Variants in CSNK1A1 observed in about 807,000 individuals in gnomAD.
CSNK1A1 encodes casein kinase I isoform alpha.
In CSNK1A1, 7 loss-of-function variants were observed where a neutral mutation model predicts 46.1. That is an observed-to-expected ratio of 0.15 (90% CI 0.09 to 0.29). CSNK1A1 has a LOEUF of 0.29. CSNK1A1 is among the 10% of genes least tolerant of loss of function. The probability of loss-of-function intolerance (pLI) is 1.00; values close to 1 mark genes in which losing one functional copy is unlikely to be tolerated. For missense variants in CSNK1A1, 96 were observed against 417.1 expected (o/e 0.23, Z 6.71); for synonymous variants, 137 against 141.5 (o/e 0.97, Z 0.23).
chr5:149,525,023 T>A lies in CSNK1A1; in HGVS notation c.357+22A>T. ...TCAACAGTACTAGTCTCAGTTTATA[T>A]TCTAATCAAAATTTCACATACCTGG... On this transcript the variant is annotated intron_variant, in intron 3 of 9. Transcript: ENST00000377843. This position sits in a 1 kb window ranked among gnomAD's most constrained non-coding sequence, Gnocchi z 4.2. The A allele has an allele frequency of 6.3e-7, 1 of 1,597,986 alleles. No individual in the cohort carries two copies. Among genetic ancestry groups the A allele is most frequent in the Non-Finnish European group, 8.5e-7 (1 of 1,172,444 alleles).
At chr5:149,539,450 G>A (rs1204768251) in intron 2 of CSNK1A1, among the ~76,000 whole-genome samples, 3 of 146,468 alleles carry the variant, frequency 2.0e-5, no homozygotes, top group African/African-American at 5.2e-5. Flanking sequence ...CTAGGCGGCC[G>A]AGCAAGAACC....
At chr5:149,502,709 T>C in intron 9 of CSNK1A1, 3 of 984,898 alleles carry the variant, frequency 3.0e-6, no homozygotes, top group South Asian at 9.4e-5. Flanking sequence ...AGTAGGATGT[T>C]TTCATCATTA....
intron 9 of CSNK1A1, among the ~76,000 whole-genome samples, chr5:149,500,314 T>C (rs1760803809): frequency 6.6e-6 from 1 of 152,092 alleles, no homozygotes; most frequent in Non-Finnish European, 1.5e-5. Context: ...ATTTTTTGTA[T>C]TTTTAGTACA....
chr5:149,513,026 C>T (rs779411759), intron 5 of CSNK1A1, 44 bp downstream of exon 5: 2 of 1,604,612 alleles, frequency 1.2e-6, no homozygotes, highest in Admixed American at 1.7e-5. Flanking sequence ...CCATTGATGG[C>T]TTCTGCTATG....
At chr5:149,548,130 CA>C (rs1285170370) in intron 2 of CSNK1A1, among the ~76,000 whole-genome samples, 1 of 152,108 alleles carries the variant, frequency 6.6e-6, no homozygotes, top group African/African-American at 2.4e-5. Flanking sequence ...CTTGGCCTCC[CA>C]AAGTGCTTGG....
chr5:149,494,819 C>T lies in CSNK1A1; in HGVS notation c.*2034G>A, dbSNP rs1010231168. Reference sequence around the variant, plus strand: ...ACTTAATTACAGACCAACTACACCACAACCTTTTCAAATGGCAAAAATACA... The same window carrying T: ...ACTTAATTACAGACCAACTACACCATAACCTTTTCAAATGGCAAAAATACA... On this transcript the variant is annotated 3_prime_UTR_variant, in exon 10 of 10. Coordinates refer to ENST00000377843, the MANE Select transcript of CSNK1A1 (RefSeq NM_001892.6). The T allele has an allele frequency of 2.0e-5, 3 of 152,176 alleles. No individual in the cohort carries two copies. Among genetic ancestry groups the T allele is most frequent in the African/African-American group, 7.2e-5 (3 of 41,454 alleles). 9.4% of individuals were successfully genotyped at this position (152,176 alleles called of 1,614,324 possible).
intron 2 of CSNK1A1, among the ~76,000 whole-genome samples, chr5:149,538,654 G>T (rs1446716379): frequency 6.6e-6 from 1 of 152,168 alleles, no homozygotes. Context: ...TGGGCACAGC[G>T]GCTCACATCT....
chr5:149,503,045 C>G (rs369893645), intron 9 of CSNK1A1: 17 of 982,422 alleles, frequency 1.7e-5, no homozygotes, highest in South Asian at 4.7e-5. Flanking sequence ...GGATAACAGG[C>G]GTGAGCCACT....
chr5:149,534,606 C>T (rs1188946649), intron 2 of CSNK1A1, among the ~76,000 whole-genome samples: 2 of 151,798 alleles, frequency 1.3e-5, no homozygotes, highest in East Asian at 1.9e-4. Context: ...CCAGTTACCC[C>T]TCTATGGTTT....
At position 149,504,659 on chromosome 5, in the gene CSNK1A1, C is replaced by A. The variant is rs73263975; in HGVS notation, c.1006+788G>T. ...AGAAAGGAAATAAGACTAGCGGTTT[C>A]AATGGCATTTGCCCCAGTTACCTTC... On this transcript the variant is annotated intron_variant, in intron 9 of 9. Coordinates refer to ENST00000377843, the MANE Select transcript of CSNK1A1 (RefSeq NM_001892.6). 2.0e-3 allele frequency: 1,983 copies of A among 985,428 alleles called. 26 individuals carry two copies. The African/African-American group carries it at 0.031, about 15-fold the overall frequency. The allele number at this position is 985,428 out of a possible 1,614,324, so 61.0% of individuals were successfully genotyped here.
At chr5:149,541,569 G>T (rs776372927) in intron 2 of CSNK1A1, among the ~76,000 whole-genome samples, 1 of 152,170 alleles carries the variant, frequency 6.6e-6, no homozygotes, top group Non-Finnish European at 1.5e-5. Context: ...GTTAAATGAT[G>T]AAAGTTATGA....
chr5:149,551,371 C>G lies in CSNK1A1; in HGVS notation c.-407G>C, dbSNP rs1762654826. 1 of 181,360 alleles carries G rather than the reference C, an allele frequency of 5.5e-6. No homozygotes were observed. Among genetic ancestry groups the G allele is most frequent in the Non-Finnish European group, 1.2e-5 (1 of 84,992 alleles). 11.2% of individuals were successfully genotyped at this position (181,360 alleles called of 1,614,324 possible). A position where few individuals can be genotyped will look rare whatever the true frequency, so the allele number is the denominator to read the frequency against. On this transcript the variant is annotated 5_prime_UTR_variant, in exon 1 of 10. Transcript: ENST00000377843. ...CGCGGACGACGCCATCTTGTTACTC[C>G]AGCTCCAGCCAACACAAAATGCCCC...
chr5:149,504,143 G>A (rs183399876), intron 9 of CSNK1A1: 88 of 985,412 alleles, frequency 8.9e-5, no homozygotes, highest in Non-Finnish European at 3.5e-5. Flanking sequence ...GCAGAGCACT[G>A]TGTGAACATT....
At chr5:149,533,146 C>T (rs1253624719) in intron 2 of CSNK1A1, among the ~76,000 whole-genome samples, 1 of 152,130 alleles carries the variant, frequency 6.6e-6, no homozygotes, top group East Asian at 1.9e-4. Flanking sequence ...TTCCTTAACT[C>T]CAAAAATTAT....
At position 149,507,694 on chromosome 5, in the gene CSNK1A1, G is replaced by C. The variant is rs1050367265; in HGVS notation, c.751-561C>G. Reference sequence around the variant, plus strand: ...GCCAAGGATGGTCTCAAATTCCCGAGCTCAAGAGATCTGCCCCCCTTGGCC... The same window carrying C: ...GCCAAGGATGGTCTCAAATTCCCGACCTCAAGAGATCTGCCCCCCTTGGCC... On this transcript the variant is annotated intron_variant, in intron 7 of 9. Transcript: ENST00000377843. 2.0e-5 allele frequency among the ~76,000 whole-genome samples: 3 copies of C among 152,046 alleles called. No homozygotes were observed. The South Asian group carries it at 6.2e-4, about 32-fold the overall frequency.
At chr5:149,540,833 AC>A (rs1412296059) in intron 2 of CSNK1A1, among the ~76,000 whole-genome samples, 1 of 152,076 alleles carries the variant, frequency 6.6e-6, no homozygotes, top group Non-Finnish European at 1.5e-5. Context: ...TAATCCCAGC[AC>A]TTTGGGAGGT....
intron 2 of CSNK1A1, among the ~76,000 whole-genome samples, chr5:149,541,057 G>T (rs915880906): frequency 2.0e-5 from 3 of 151,718 alleles, no homozygotes; most frequent in African/African-American, 7.3e-5. Flanking sequence ...TCTGGCCTGG[G>T]CAACAGAGCA....
At chr5:149,527,688 T>C (rs1442033598) in intron 2 of CSNK1A1, among the ~76,000 whole-genome samples, 2 of 152,222 alleles carry the variant, frequency 1.3e-5, no homozygotes, top group African/African-American at 4.8e-5. Context: ...TTCCTTTTTA[T>C]GTGATAGGCA....
At chr5:149,499,451 C>G (rs1760754943) in intron 9 of CSNK1A1, among the ~76,000 whole-genome samples, 1 of 152,036 alleles carries the variant, frequency 6.6e-6, no homozygotes, top group Admixed American at 6.6e-5. Flanking sequence ...TGCCCGCCAC[C>G]CAATCTGAAA....
Sources: allele counts gnomAD v4.1 joint callset (sites outside exome capture counted in the v4.1 genomes callset), GRCh38; gene constraint gnomAD v4.1.1; non-coding constraint Gnocchi (gnomAD v3.1); transcripts MANE v1.5; gene names NCBI Gene and HGNC (gene_info 2026-07-23, HGNC 2026-07-21).